The following AATK variants were observed in gnomAD, a reference collection of about 807,000 sequenced individuals.
AATK encodes serine/threonine-protein kinase LMTK1.
Under a neutral mutation model 114.3 loss-of-function variants are expected in AATK, and 91 were observed. The ratio of observed to expected loss-of-function variants is 0.80; its 90% confidence interval spans 0.67 to 0.95. The LOEUF is 0.95. Ranked by LOEUF, AATK falls within the 40% of genes least tolerant of loss-of-function variation. The pLI is 0.00. For synonymous variants in AATK, 1,075 were observed against 916.5 expected (o/e 1.17, Z -3.12); for missense variants, 2,176 against 1,965.2 (o/e 1.11, Z -2.03).
Position 81,131,104 on chromosome 17 carries a change from G to A in AATK, c.291C>T (p.Leu97=). The A allele has an allele frequency of 6.4e-7, 1 of 1,558,980 alleles. No individual in the cohort carries two copies. Among genetic ancestry groups the A allele is most frequent in the Non-Finnish European group, 8.7e-7 (1 of 1,151,912 alleles). ...TGGCCATGGGCAAGGAGACCTCCGT[G>A]AGTGGCAGGACGTACACGTCGGGCC... ...QNGPDVYVLP[L]TEVSLPMAKQ... is the part of the protein sequence containing the mutation. The change falls in exon 3 of 14, where the codon CTC becomes CTT. Residue 97 remains leucine (L), a synonymous_variant. Transcript: ENST00000326724.
intron 1 of AATK, 122 bp downstream of exon 1, chr17:81,165,816 T>C: frequency 6.6e-7 from 1 of 1,506,550 alleles, no homozygotes; most frequent in Non-Finnish European, 8.9e-7. Flanking sequence ...CTGCTTCTGC[T>C]GCTGGGCTCG....
At chr17:81,165,478 C>T (rs1405835176) in intron 1 of AATK, 4 of 428,636 alleles carry the variant, frequency 9.3e-6, no homozygotes, top group East Asian at 1.5e-4. Context: ...CATCCCCCGC[C>T]GGCTGCTGGT....
chr17:81,120,657 G>A lies in AATK; in HGVS notation c.3279C>T (p.Pro1093=). The change falls in exon 11 of 14, where the codon CCC becomes CCT. Residue 1093 remains proline, a synonymous_variant. Coordinates refer to ENST00000326724, the MANE Select transcript of AATK (RefSeq NM_001080395.3). The part of the protein sequence containing the change: ...PQGPAKVRPG[P]SPSCSQFFLL... Reference sequence around the variant, plus strand: ...GGAAAAACTGGGAGCAGCTGGGGCTGGGCCCAGGCCGCACCTTGGCTGGGC... The same window carrying A: ...GGAAAAACTGGGAGCAGCTGGGGCTAGGCCCAGGCCGCACCTTGGCTGGGC... 1 of 1,525,662 alleles carries A rather than the reference G, an allele frequency of 6.6e-7. No homozygotes were observed. Among genetic ancestry groups the A allele is most frequent in the Non-Finnish European group, 8.8e-7 (1 of 1,140,710 alleles). 94.5% of individuals were successfully genotyped at this position (1,525,662 alleles called of 1,614,324 possible). A position where few individuals can be genotyped will look rare whatever the true frequency, so the allele number is the denominator to read the frequency against.
rs992545525 is a variant in AATK at position 81,128,638 on chromosome 17, GC to G, written c.335-90del. 3.6e-5 allele frequency: 55 copies of G among 1,532,672 alleles called. No individual in the cohort carries two copies. In the African/African-American group the frequency reaches 7.2e-4, roughly 20 times the overall value. 94.9% of individuals were successfully genotyped at this position (1,532,672 alleles called of 1,614,324 possible). A position where few individuals can be genotyped will look rare whatever the true frequency, so the allele number is the denominator to read the frequency against. ...GGCCCCTGGAGGGGCTGCCCGCTTG[GC>G]CTTTTCTGGGAAACTGTCCTGAGTC... On this transcript the variant is annotated intron_variant, in intron 3 of 13. Transcript: ENST00000326724.
Position 81,164,801 on chromosome 17 carries a change from A to G in AATK, c.55+1137T>C, listed in dbSNP as rs186684728. Among the ~76,000 whole-genome samples the G allele has an allele frequency of 2.4e-3, 358 of 152,196 alleles. 1 individual carries two copies. Among genetic ancestry groups the G allele is most frequent in the African/African-American group, 7.9e-3 (330 of 41,530 alleles). ...CTCTGAGCCTTCACCTGCCCACCCCACAGGGACTTCCGAGCCCCAGGGGTC... is the reference window on the plus strand; with the variant it reads ...CTCTGAGCCTTCACCTGCCCACCCCGCAGGGACTTCCGAGCCCCAGGGGTC... On this transcript the variant is annotated intron_variant, in intron 1 of 13. Coordinates refer to ENST00000326724, the MANE Select transcript of AATK (RefSeq NM_001080395.3).
At chr17:81,160,643 T>G (rs2061420127) in intron 1 of AATK, among the ~76,000 whole-genome samples, 2 of 152,160 alleles carry the variant, frequency 1.3e-5, no homozygotes, top group Admixed American at 1.3e-4. Context: ...CCTGGGCCCC[T>G]GGATCTGTGC....
At chr17:81,119,876 ACAGCACGGAC>A in intron 12 of AATK, 50 bp downstream of exon 12, 1 of 1,370,260 alleles carries the variant, frequency 7.3e-7, no homozygotes, top group Non-Finnish European at 9.4e-7. Flanking sequence ...CGCCTCCCAC[ACAGCACGGAC>A]CAGGCCCTGC....
At chr17:81,118,752 A>G (rs892034577) in intron 13 of AATK, among the ~76,000 whole-genome samples, 7 of 152,032 alleles carry the variant, frequency 4.6e-5, no homozygotes, top group Admixed American at 3.3e-4. Context: ...TCAGCCACAC[A>G]GGGGGCACCC....
chr17:81,164,984 C>A (rs2061469119), intron 1 of AATK, among the ~76,000 whole-genome samples: 1 of 152,246 alleles, frequency 6.6e-6, no homozygotes, highest in Non-Finnish European at 1.5e-5. Context: ...GCACTGGGCC[C>A]TGCTCCAGGG....
At chr17:81,165,779 G>T in intron 1 of AATK, 159 bp downstream of exon 1, 1 of 1,507,230 alleles carries the variant, frequency 6.6e-7, no homozygotes, top group African/African-American at 1.4e-5. Flanking sequence ...CTGCCCCTCC[G>T]AGATCTGGGG....
chr17:81,165,693 A>C (rs535197634), intron 1 of AATK: 29 of 1,515,460 alleles, frequency 1.9e-5, no homozygotes, highest in Admixed American at 1.0e-4. Flanking sequence ...TGTGCCCTGG[A>C]GGCAGCCACG....
At chr17:81,153,764 G>A (rs565001070) in intron 1 of AATK, among the ~76,000 whole-genome samples, 4 of 152,208 alleles carry the variant, frequency 2.6e-5, no homozygotes, top group Non-Finnish European at 4.4e-5. Context: ...CATGCAGTAC[G>A]GGCTGAATCA....
At chr17:81,124,905 G>GGGCCCCC in intron 8 of AATK, 25 bp downstream of exon 8, 61 of 1,502,326 alleles carry the variant, frequency 4.1e-5, no homozygotes, top group Non-Finnish European at 5.2e-5. Flanking sequence ...CTCATGCCCA[G>GGGCCCCC]CCCAGCCCAC....
chr17:81,160,262 G>T (rs1459695334), intron 1 of AATK: 1 of 985,054 alleles, frequency 1.0e-6, no homozygotes, highest in African/African-American at 1.7e-5. Context: ...CTCCCGCGTG[G>T]CTCTGACCGT....
intron 1 of AATK, among the ~76,000 whole-genome samples, chr17:81,157,174 A>C (rs2061376759): frequency 6.6e-6 from 1 of 152,196 alleles, no homozygotes; most frequent in Non-Finnish European, 1.5e-5. Flanking sequence ...AAGAGAGGGG[A>C]GCCCGAATGT....
intron 1 of AATK, among the ~76,000 whole-genome samples, chr17:81,140,623 G>T (rs934865365): frequency 2.6e-5 from 4 of 152,252 alleles, no homozygotes; most frequent in Non-Finnish European, 5.9e-5. Context: ...GATGAGAGAA[G>T]TGACTGCAGA....
At chr17:81,156,208 GTA>G (rs2061363717) in intron 1 of AATK, among the ~76,000 whole-genome samples, 1 of 147,230 alleles carries the variant, frequency 6.8e-6, no homozygotes, top group Non-Finnish European at 1.5e-5. Context: ...ATGTTACAAT[GTA>G]TGTTACCATG....
rs530867703 is a variant in AATK at position 81,123,383 on chromosome 17, T to C, written c.963-40A>G. The C allele has an allele frequency of 4.2e-4, 553 of 1,329,802 alleles. 1 individual carries two copies. Among genetic ancestry groups the C allele is most frequent in the South Asian group, 6.2e-4 (31 of 50,390 alleles). The allele number at this position is 1,329,802 out of a possible 1,614,324, so 82.4% of individuals were successfully genotyped here. On this transcript the variant is annotated intron_variant, in intron 9 of 13. Coordinates refer to ENST00000326724, the MANE Select transcript of AATK (RefSeq NM_001080395.3). ...CCGTGAGCCAGGGCTGGGCACAGCC[T>C]GCCACAGCAAGGACCGCGCAGGATC...
chr17:81,160,712 A>C (rs1380337066), intron 1 of AATK, among the ~76,000 whole-genome samples: 1 of 152,184 alleles, frequency 6.6e-6, no homozygotes, highest in African/African-American at 2.4e-5. Flanking sequence ...TCAGGCTCCC[A>C]CCCAGGAGTG....
Sources: allele counts gnomAD v4.1 joint callset (sites outside exome capture counted in the v4.1 genomes callset), GRCh38; gene constraint gnomAD v4.1.1; transcripts MANE v1.5; gene names NCBI Gene and HGNC (gene_info 2026-07-23, HGNC 2026-07-21).